The following CDC45 variants were observed in gnomAD, a reference collection of about 807,000 sequenced individuals.
The protein encoded by CDC45 is cell division control protein 45 homolog.
In CDC45, 54 loss-of-function variants were observed where a neutral mutation model predicts 77.8. The ratio of observed to expected loss-of-function variants is 0.69; its 90% CI spans 0.56 to 0.87. CDC45 has a LOEUF of 0.87. CDC45 is among the 40% of genes least tolerant of loss of function. The pLI, the probability that CDC45 is intolerant of heterozygous loss-of-function variation, is 0.00. For missense variants in CDC45, 649 were observed against 721.6 expected (o/e 0.90, Z 1.15); for synonymous variants, 260 against 272.1 (o/e 0.96, Z 0.44).
At chr22:19,481,227 T>C (rs1374487897) in intron 3 of CDC45, among the ~76,000 whole-genome samples, 182 bp downstream of exon 3, 1 of 152,134 alleles carries the variant, frequency 6.6e-6, no homozygotes, top group East Asian at 1.9e-4. Flanking sequence ...AGAAGCAAAA[T>C]TGACAGCAAA....
intron 12 of CDC45, 56 bp from the exon 13 acceptor site, chr22:19,508,474 G>T: frequency 6.3e-7 from 1 of 1,588,792 alleles, no homozygotes; most frequent in Middle Eastern, 1.7e-4. Context: ...GGCCTGCCTG[G>T]CAGTGAGAGC....
At chr22:19,501,837 C>A (rs1932912438) in intron 9 of CDC45, among the ~76,000 whole-genome samples, 1 of 152,174 alleles carries the variant, frequency 6.6e-6, no homozygotes, top group African/African-American at 2.4e-5. Context: ...ACCTTAGCCT[C>A]CCATGTAGCC....
chr22:19,515,389 A>G (rs1933729065), intron 15 of CDC45, among the ~76,000 whole-genome samples: 1 of 152,140 alleles, frequency 6.6e-6, no homozygotes, highest in Non-Finnish European at 1.5e-5. Flanking sequence ...CAGCTTGTCC[A>G]CTAAGCTGAT....
intron 5 of CDC45, among the ~76,000 whole-genome samples, chr22:19,489,829 C>T (rs2090127855): frequency 6.6e-6 from 1 of 152,180 alleles, no homozygotes; most frequent in East Asian, 1.9e-4. Context: ...GTTCTGTTTG[C>T]TTGCTGCTTT....
At chr22:19,484,316 C>G (rs1390293422) in intron 5 of CDC45, among the ~76,000 whole-genome samples, 3 of 152,206 alleles carry the variant, frequency 2.0e-5, no homozygotes, top group African/African-American at 7.2e-5. Context: ...GTAACCCCCA[C>G]CCCTTCCTTT....
At chr22:19,499,179 G>C in intron 9 of CDC45, 28 bp downstream of exon 9, 1 of 1,613,044 alleles carries the variant, frequency 6.2e-7, no homozygotes, top group Non-Finnish European at 8.5e-7. Context: ...TGCCTTGCAG[G>C]GTCAGCCCTG....
intron 9 of CDC45, among the ~76,000 whole-genome samples, chr22:19,501,690 T>G (rs993463831): frequency 3.9e-5 from 6 of 152,314 alleles, no homozygotes; most frequent in African/African-American, 1.4e-4. Flanking sequence ...ACAAAACTAG[T>G]CATCATTTCA....
Position 19,514,847 on chromosome 22 carries a change from T to C in CDC45, c.1316T>C (p.Val439Ala), listed in dbSNP as rs779628368. ...GCCAGCTGCCTTTGCACCAACCTCG[T>C]CATCTCCCAGGGGCCTTTCCTGTAC... ...TIASCLCTNLVISQGPFLYCS... is the reference protein window; with the variant it reads ...TIASCLCTNLAISQGPFLYCS... The change falls in exon 14 of 19, where the codon GTC (valine) becomes GCC (alanine). Residue 439 changes from valine to alanine, a missense_variant. Coordinates refer to ENST00000263201, the MANE Select transcript of CDC45 (RefSeq NM_003504.5). 1 of 1,614,184 alleles carries C rather than the reference T, an allele frequency of 6.2e-7. No homozygotes were observed. The highest frequency in any genetic ancestry group is 2.2e-5 in the East Asian group (1 of 44,880).
chr22:19,514,591 T>A (rs1182452582), intron 13 of CDC45, among the ~76,000 whole-genome samples, 158 bp from the exon 14 acceptor site: 1 of 152,336 alleles, frequency 6.6e-6, no homozygotes, highest in East Asian at 1.9e-4. Flanking sequence ...AAAAATTCTT[T>A]CCTTTCATGT....
intron 17 of CDC45, among the ~76,000 whole-genome samples, chr22:19,517,377 T>A (rs540529607): frequency 1.8e-4 from 27 of 152,314 alleles, no homozygotes; most frequent in Admixed American, 3.9e-4. Context: ...GCCCCACCTG[T>A]GTGTCAGATG....
intron 3 of CDC45, among the ~76,000 whole-genome samples, chr22:19,481,397 G>T (rs1170698601): frequency 3.3e-5 from 5 of 150,894 alleles, no homozygotes; most frequent in Admixed American, 2.0e-4. Flanking sequence ...TATTTTTTTT[G>T]AAACGGAGTC....
rs113080665 is a variant in CDC45, at chr22:19,506,921, G to A, written c.825-465G>A. On this transcript the variant is annotated intron_variant, in intron 10 of 18. Coordinates refer to ENST00000263201, the MANE Select transcript of CDC45 (RefSeq NM_003504.5). ...TGCACTCCAGCCTGGGCGACAGAGC[G>A]AGACTCCGTCTCAAAAAAAAAAAAC... Among the ~76,000 whole-genome samples, 555 of 151,072 alleles carry A rather than the reference G, an allele frequency of 3.7e-3. 3 individuals carry two copies. The highest frequency in any genetic ancestry group is 0.013 in the African/African-American group (530 of 41,266).
intron 10 of CDC45, 146 bp from the exon 11 acceptor site, chr22:19,507,240 G>T: frequency 1.1e-6 from 1 of 907,274 alleles, no homozygotes; most frequent in East Asian, 2.5e-5. Context: ...AAGGTCAAAG[G>T]GCTCCAGGTC....
intron 5 of CDC45, 151 bp downstream of exon 5, chr22:19,484,156 C>T: frequency 2.9e-6 from 2 of 691,676 alleles, no homozygotes; most frequent in South Asian, 2.2e-5. Context: ...CTCTGCTGTC[C>T]CCTGGTTATG....
At chr22:19,486,708 A>G (rs1257068726) in intron 5 of CDC45, among the ~76,000 whole-genome samples, 1 of 152,148 alleles carries the variant, frequency 6.6e-6, no homozygotes, top group African/African-American at 2.4e-5. Flanking sequence ...TTTGAGACGG[A>G]GTCTCGCTCT....
intron 2 of CDC45, 64 bp downstream of exon 2, chr22:19,480,281 G>A: frequency 3.4e-6 from 5 of 1,449,518 alleles, no homozygotes; most frequent in Non-Finnish European, 4.8e-6. Flanking sequence ...GCGTGGGGGC[G>A]CAGGGCGGGC....
chr22:19,481,418 G>T (rs1352773130), intron 3 of CDC45, among the ~76,000 whole-genome samples: 1 of 151,356 alleles, frequency 6.6e-6, no homozygotes, highest in Non-Finnish European at 1.5e-5. Flanking sequence ...TCGCTGTGTC[G>T]CCCAGGCTGG....
intron 17 of CDC45, among the ~76,000 whole-genome samples, chr22:19,517,373 C>T (rs574727672): frequency 4.6e-5 from 7 of 152,340 alleles, no homozygotes; most frequent in South Asian, 2.1e-4. Context: ...ACCGGCCCCA[C>T]CTGTGTGTCA....
intron 13 of CDC45, among the ~76,000 whole-genome samples, chr22:19,510,714 A>G (rs1471755028): frequency 6.6e-6 from 1 of 152,164 alleles, no homozygotes; most frequent in Non-Finnish European, 1.5e-5. Flanking sequence ...GTTTTAATAG[A>G]GACGGGGTTT....
Sources: gnomAD v4.1 joint callset for allele counts (sites outside exome capture counted in the v4.1 genomes callset) on GRCh38, gnomAD v4.1.1 for gene constraint, MANE v1.5 for transcripts, NCBI Gene and HGNC (gene_info 2026-07-23, HGNC 2026-07-21) for gene names.